ADGRE2: variants seen among roughly 807,000 people sequenced by gnomAD.
ADGRE2 encodes CD97 antigen.
A neutral mutation model predicts 100.8 loss-of-function variants in ADGRE2; 83 were observed. The ratio of observed to expected loss-of-function variants is 0.82; its 90% CI spans 0.69 to 0.99. The LOEUF (loss-of-function observed/expected upper bound fraction) is 0.99. ADGRE2 is among the 50% of genes least tolerant of loss of function. The pLI, the probability that ADGRE2 is intolerant of heterozygous loss-of-function variation, is 0.00. For synonymous variants in ADGRE2, 355 were observed against 413.0 expected (o/e 0.86, Z 1.70); for missense variants, 814 against 1,035.7 (o/e 0.79, Z 2.94).
chr19:14,743,551 C>T, intron 19 of ADGRE2, 21 bp from the exon 20 acceptor site: 1 of 1,613,740 alleles, frequency 6.2e-7, no homozygotes, highest in Non-Finnish European at 8.5e-7. Flanking sequence ...AAAGTGTGTA[C>T]TGGGTCAGCT....
chr19:14,751,742 A>G, intron 15 of ADGRE2, 71 bp from the exon 16 acceptor site: 1 of 1,127,718 alleles, frequency 8.9e-7, no homozygotes, highest in Admixed American at 2.1e-5. Context: ...CTCCTGTACC[A>G]TGTTGTTGGG....
chr19:14,770,677 T>C lies in ADGRE2; in HGVS notation c.355+1665A>G, dbSNP rs1365833975. Among the ~76,000 whole-genome samples the C allele has an allele frequency of 2.8e-3, 342 of 120,772 alleles. 29 individuals carry two copies. The highest frequency in any genetic ancestry group is 9.8e-3 in the African/African-American group (309 of 31,552). 79.2% of individuals were successfully genotyped at this position (120,772 alleles called of 152,430 possible). A position where few individuals can be genotyped will look rare whatever the true frequency, so the allele number is the denominator to read the frequency against. On this transcript the variant is annotated intron_variant, in intron 5 of 20. Transcript: ENST00000315576. ...TTTTGTTTCTTTCTTTTCTTTTTTT[T>C]TTTTTTTTTTTTTTTTTTTTGAGAC...
chr19:14,772,201 G>C (rs2044235771), intron 5 of ADGRE2, 141 bp downstream of exon 5: 2 of 1,236,752 alleles, frequency 1.6e-6, no homozygotes, highest in African/African-American at 3.0e-5. Flanking sequence ...TGGCGAAACA[G>C]GTACATGCAC....
Position 14,732,977 on chromosome 19 carries a change from A to G in ADGRE2, c.*3259T>C, listed in dbSNP as rs1007166155. 2.0e-5 allele frequency: 3 copies of G among 152,088 alleles called. No individual in the cohort carries two copies. The highest frequency in any genetic ancestry group is 7.2e-5 in the African/African-American group (3 of 41,400). 9.4% of individuals were successfully genotyped at this position (152,088 alleles called of 1,614,324 possible). A position where few individuals can be genotyped will look rare whatever the true frequency, so the allele number is the denominator to read the frequency against. On this transcript the variant is annotated 3_prime_UTR_variant, in exon 21 of 21. Transcript: ENST00000315576. ...GCGACCCCTGCTCTAGGTAGACTCTATGGGGATATGGGCTCTACACTCATA... is the reference window on the plus strand; with the variant it reads ...GCGACCCCTGCTCTAGGTAGACTCTGTGGGGATATGGGCTCTACACTCATA...
rs200392624 is a variant in ADGRE2 at position 14,774,045 on chromosome 19, C to T, written c.92G>A (p.Arg31Gln). The T allele has an allele frequency of 1.7e-5, 27 of 1,613,746 alleles. No homozygotes were observed. The highest frequency in any genetic ancestry group is 3.3e-5 in the South Asian group (3 of 91,068). ...AETQDSRGCA[R>Q]WCPQDSSCVN... Reference sequence around the variant, plus strand: ...ACACGAGGAGTCCTGAGGGCACCACCGGGCACAGCCTGCAAGAGCAGGGAG... The same window carrying T: ...ACACGAGGAGTCCTGAGGGCACCACTGGGCACAGCCTGCAAGAGCAGGGAG... Residue 31 changes from arginine (R) to glutamine (Q), a missense_variant, in exon 4 of 21, where the codon CGG becomes CAG. Physicochemically the swap from Arg to Gln is conservative, Grantham distance 43. Transcript: ENST00000315576.
At chr19:14,751,138 C>T (rs892789495) in intron 16 of ADGRE2, among the ~76,000 whole-genome samples, 4 of 152,144 alleles carry the variant, frequency 2.6e-5, no homozygotes, top group Non-Finnish European at 5.9e-5. Context: ...AATCTTCTAG[C>T]AGAAAGATGC....
At chr19:14,741,187 C>T (rs2042919400) in intron 20 of ADGRE2, among the ~76,000 whole-genome samples, 2 of 149,264 alleles carry the variant, frequency 1.3e-5, no homozygotes, top group African/African-American at 5.0e-5. Flanking sequence ...ACTTTTACCT[C>T]CCCGGCTCAA....
intron 20 of ADGRE2, among the ~76,000 whole-genome samples, chr19:14,742,470 A>G (rs1243348359): frequency 6.6e-6 from 1 of 152,046 alleles, no homozygotes; most frequent in Non-Finnish European, 1.5e-5. Context: ...GGCCTCAAGC[A>G]GTTGTCCTGC....
intron 20 of ADGRE2, among the ~76,000 whole-genome samples, chr19:14,740,162 A>T (rs1475485715): frequency 6.6e-6 from 1 of 151,528 alleles, no homozygotes; most frequent in Non-Finnish European, 1.5e-5. Context: ...GTGGATGGTC[A>T]TGTTTGGTTG....
At chr19:14,766,091 C>T in intron 7 of ADGRE2, 144 bp downstream of exon 7, 1 of 1,474,018 alleles carries the variant, frequency 6.8e-7, no homozygotes, top group South Asian at 1.3e-5. Context: ...GACCCTTGCT[C>T]TTTTCTCATC....
At chr19:14,773,370 T>A (rs2044294968) in intron 4 of ADGRE2, among the ~76,000 whole-genome samples, 2 of 146,956 alleles carry the variant, frequency 1.4e-5, no homozygotes, top group Non-Finnish European at 3.0e-5. Context: ...CTCTTTTTCT[T>A]TTCTTCTCTT....
At chr19:14,772,213 C>G (rs368826432) in intron 5 of ADGRE2, 129 bp downstream of exon 5, 3 of 1,337,694 alleles carry the variant, frequency 2.2e-6, no homozygotes, top group East Asian at 4.6e-5. Flanking sequence ...TACATGCACA[C>G]CTGTCTCATC....
intron 5 of ADGRE2, among the ~76,000 whole-genome samples, chr19:14,769,224 C>G (rs964919968): frequency 4.6e-5 from 7 of 151,290 alleles, no homozygotes; most frequent in East Asian, 1.9e-4. Context: ...ACACCCCCCC[C>G]CCATCTTTAC....
intron 6 of ADGRE2, 43 bp downstream of exon 6, chr19:14,766,935 C>G (rs572842846): frequency 6.3e-7 from 1 of 1,578,004 alleles, no homozygotes; most frequent in East Asian, 2.3e-5. Context: ...AGCTCCATCC[C>G]CAGCTCCCGT....
At chr19:14,737,490 T>C (rs1006046680) in intron 20 of ADGRE2, among the ~76,000 whole-genome samples, 2 of 152,128 alleles carry the variant, frequency 1.3e-5, no homozygotes, top group Non-Finnish European at 2.9e-5. Context: ...CCACCATGCC[T>C]GGCCAAGAAG....
chr19:14,755,489 G>A lies in ADGRE2; in HGVS notation c.1416+165C>T, dbSNP rs536113293. ...GAACACAGGTGTGAGCTGGTGGGTC[G>A]GATGCTCAGAAATGCTTACCCAAAG... On this transcript the variant is annotated intron_variant, in intron 13 of 20. Coordinates refer to ENST00000315576, the MANE Select transcript of ADGRE2 (RefSeq NM_013447.4). Among the ~76,000 whole-genome samples the A allele has an allele frequency of 2.0e-5, 3 of 151,758 alleles. No individual in the cohort carries two copies. In the South Asian group the frequency reaches 6.2e-4, roughly 32 times the overall value.
At chr19:14,761,631 C>G (rs2043727491) in intron 11 of ADGRE2, among the ~76,000 whole-genome samples, 2 of 151,856 alleles carry the variant, frequency 1.3e-5, no homozygotes, top group South Asian at 2.1e-4. Context: ...GAAGCCTGCA[C>G]AGGTGAATGC....
In ADGRE2 at chr19:14,736,040, T is replaced by C. The variant is rs1418337046; in HGVS notation, c.*196A>G. ...ATATGCTGAGAGTTTGATGAGCACA[T>C]TGCAGGGCATGGAAGATTTCCGGTT... On this transcript the variant is annotated 3_prime_UTR_variant, in exon 21 of 21. Transcript: ENST00000315576. 6.8e-6 allele frequency: 4 copies of C among 588,852 alleles called. No individual in the cohort carries two copies. Among genetic ancestry groups the C allele is most frequent in the Non-Finnish European group, 1.2e-5 (4 of 320,726 alleles). The allele number at this position is 588,852 out of a possible 1,614,324, so 36.5% of individuals were successfully genotyped here. A position where few individuals can be genotyped will look rare whatever the true frequency, so the allele number is the denominator to read the frequency against.
chr19:14,750,453 A>T (rs1242106231), intron 16 of ADGRE2, among the ~76,000 whole-genome samples: 2 of 152,092 alleles, frequency 1.3e-5, no homozygotes, highest in Non-Finnish European at 2.9e-5. Context: ...TCCTCAGCTA[A>T]CATCATACAT....
Sources: gnomAD v4.1 joint callset for allele counts (sites outside exome capture counted in the v4.1 genomes callset) on GRCh38, gnomAD v4.1.1 for gene constraint, MANE v1.5 for transcripts, NCBI Gene and HGNC (gene_info 2026-07-23, HGNC 2026-07-21) for gene names.